GABRG1: variants seen among roughly 807,000 people sequenced by gnomAD.
The protein encoded by GABRG1 is gamma-aminobutyric acid type A receptor subunit gamma1.
In GABRG1, 49 loss-of-function variants were observed where a neutral mutation model predicts 49.8. The observed-to-expected ratio is 0.98, with a 90% CI of 0.78 to 1.25. The LOEUF is 1.25. Ranked by LOEUF, GABRG1 falls within the 50% of genes most tolerant of loss-of-function variation. The pLI, the probability that GABRG1 is intolerant of heterozygous loss-of-function variation, is 0.00. For synonymous variants in GABRG1, 232 were observed against 185.1 expected, an observed-to-expected ratio of 1.25 and a Z score of -2.06; for missense variants, 552 against 552.3, an observed-to-expected ratio of 1.00 and a Z score of 0.01.
chr4:46,071,902 A>T (rs908150581), intron 3 of GABRG1, among the ~76,000 whole-genome samples: 3 of 152,046 alleles, frequency 2.0e-5, no homozygotes, highest in Non-Finnish European at 4.4e-5. Flanking sequence ...AAATTAAAAA[A>T]TTAATTTAGT....
chr4:46,075,813 A>T (rs1041461731), intron 3 of GABRG1, among the ~76,000 whole-genome samples: 1 of 152,096 alleles, frequency 6.6e-6, no homozygotes, highest in Non-Finnish European at 1.5e-5. Context: ...TTGCAGCAAC[A>T]TGGATGGAAC....
intron 2 of GABRG1, among the ~76,000 whole-genome samples, chr4:46,095,601 C>T (rs928033523): frequency 1.3e-5 from 2 of 151,542 alleles, no homozygotes; most frequent in African/African-American, 4.8e-5. Flanking sequence ...TCAAAAATAA[C>T]ACACAAAGCA....
intron 8 of GABRG1, among the ~76,000 whole-genome samples, chr4:46,048,488 T>C (rs1037781527): frequency 1.3e-5 from 2 of 148,602 alleles, no homozygotes; most frequent in African/African-American, 5.0e-5. Flanking sequence ...AAGCATCATA[T>C]GGCCATTGTC....
intron 1 of GABRG1, among the ~76,000 whole-genome samples, chr4:46,107,475 C>G (rs1278144907): frequency 6.6e-6 from 1 of 150,902 alleles, no homozygotes; most frequent in Non-Finnish European, 1.5e-5. Flanking sequence ...CAGTTCCTTC[C>G]TTTCTTGTTT....
In GABRG1 at chr4:46,110,454, T is replaced by C. The variant is rs549527398; in HGVS notation, c.105-13105A>G. ...ACAGCAGATGGATGGGTCTTGTTAA[T>C]CTATCCAACCTGCCACTCTGTGCCT... On this transcript the variant is annotated intron_variant, in intron 1 of 8. Coordinates refer to ENST00000295452, the MANE Select transcript of GABRG1 (RefSeq NM_173536.4). 1.5e-4 allele frequency among the ~76,000 whole-genome samples: 22 copies of C among 151,068 alleles called. No homozygotes were observed. The East Asian group carries it at 4.3e-3, about 30-fold the overall frequency.
At position 46,058,396 on chromosome 4, in the gene GABRG1, G is replaced by A. The variant is rs758183396; in HGVS notation, c.764-27C>T. On this transcript the variant is annotated intron_variant, in intron 6 of 8. Transcript: ENST00000295452. The stretch of plus-strand genomic sequence containing the variant: ...TGTAAGAAAAAAAAGTTTTATTTTG[G>A]CTATATAATATAAATCACAATCCAT... The A allele has an allele frequency of 8.1e-6, 13 of 1,597,036 alleles. No homozygotes were observed. The Middle Eastern group carries it at 5.0e-4, about 62-fold the overall frequency.
At chr4:46,097,476 A>T in intron 1 of GABRG1, 127 bp from the exon 2 acceptor site, 1 of 828,250 alleles carries the variant, frequency 1.2e-6, no homozygotes, top group East Asian at 2.8e-5. Context: ...TTACACTAAC[A>T]TTACATTTAG....
At chr4:46,067,396 T>C (rs1390979751) in intron 3 of GABRG1, among the ~76,000 whole-genome samples, 1 of 152,140 alleles carries the variant, frequency 6.6e-6, no homozygotes, top group African/African-American at 2.4e-5. Context: ...GCTTAAAATA[T>C]ATACACTTAT....
Position 46,065,578 on chromosome 4 carries a change from T to C in GABRG1, c.328A>G (p.Thr110Ala). ...GPVDPINMEYTIDIIFAQTWF... is the reference protein window; with the variant it reads ...GPVDPINMEYAIDIIFAQTWF... The stretch of plus-strand genomic sequence containing the variant: ...GTTTGGGCAAAAATTATATCTATTG[T>C]ATATTCCTAAAATATAAGAAGAGTA... Residue 110 changes from threonine to alanine, a missense_variant, in exon 4 of 9, where the codon ACA becomes GCA. By Grantham distance (58) the Thr-to-Ala change is moderately conservative. Coordinates refer to ENST00000295452, the MANE Select transcript of GABRG1 (RefSeq NM_173536.4). 3 of 1,370,660 alleles carry C rather than the reference T, an allele frequency of 2.2e-6. No individual in the cohort carries two copies. Among genetic ancestry groups the C allele is most frequent in the Admixed American group, 3.5e-5 (2 of 57,840 alleles). The allele number at this position is 1,370,660 out of a possible 1,614,324, so 84.9% of individuals were successfully genotyped here.
At chr4:46,042,690 A>G (rs1284239402) in intron 8 of GABRG1, among the ~76,000 whole-genome samples, 1 of 152,040 alleles carries the variant, frequency 6.6e-6, no homozygotes, top group East Asian at 1.9e-4. Flanking sequence ...TTTTAGTTCT[A>G]AAAAGAAACA....
rs748831922 is a variant in GABRG1, at chr4:46,041,160, C to G, written c.1226G>C (p.Gly409Ala). 2 of 1,613,096 alleles carry G rather than the reference C, an allele frequency of 1.2e-6. No individual in the cohort carries two copies. The highest frequency in any genetic ancestry group is 1.7e-5 in the Admixed American group (1 of 59,832). ...EDDYGYQCLE[G>A]KDCASFFCCF... ...ACAGAAGAAGCTGGCACAATCTTTG[C>G]CCTCCAAACACTGATACCCATAATC... is the stretch of plus-strand genomic sequence containing the variant. Residue 409 changes from glycine (G) to alanine (A), a missense_variant, in exon 9 of 9, where the codon GGC becomes GCC. Coordinates refer to ENST00000295452, the MANE Select transcript of GABRG1 (RefSeq NM_173536.4).
At position 46,041,074 on chromosome 4, in the gene GABRG1, T is replaced by G. The variant is rs1717755826; in HGVS notation, c.1312A>C (p.Lys438Gln). ...REGRIHIRIA[K>Q]IDSYSRIFFP... ...AATATTCTAGAATAAGAGTCAATTT[T>G]GGCAATGCGTATGTGTATCCTTCCT... Residue 438 changes from lysine to glutamine, a missense_variant, in exon 9 of 9, where the codon AAA (lysine) becomes CAA (glutamine). Transcript: ENST00000295452. 6.2e-7 allele frequency: 1 copy of G among 1,613,016 alleles called. No individual in the cohort carries two copies. Among genetic ancestry groups the G allele is most frequent in the Non-Finnish European group, 8.5e-7 (1 of 1,179,376 alleles).
rs1429066474 is a variant in GABRG1, at chr4:46,038,875, C to G, written c.*2113G>C. 1.3e-5 allele frequency: 2 copies of G among 151,502 alleles called. No individual in the cohort carries two copies. The highest frequency in any genetic ancestry group is 3.0e-5 in the Non-Finnish European group (2 of 67,658). 9.4% of individuals were successfully genotyped at this position (151,502 alleles called of 1,614,324 possible). ...TGTAAATATTGTCAACATTTAAAAC[C>G]AAGTTAATGAAACACCAGTGAGAAA... On this transcript the variant is annotated 3_prime_UTR_variant, in exon 9 of 9. Coordinates refer to ENST00000295452, the MANE Select transcript of GABRG1 (RefSeq NM_173536.4).
intron 8 of GABRG1, among the ~76,000 whole-genome samples, chr4:46,050,287 G>C (rs2109396685): frequency 6.6e-6 from 1 of 151,970 alleles, no homozygotes; most frequent in African/African-American, 2.4e-5. Context: ...TGCTTTCTTG[G>C]AATATTGTGG....
At chr4:46,047,406 C>T (rs1409580571) in intron 8 of GABRG1, among the ~76,000 whole-genome samples, 1 of 151,994 alleles carries the variant, frequency 6.6e-6, no homozygotes, top group Admixed American at 6.6e-5. Flanking sequence ...TGGAATTTTC[C>T]TTGCCAAACT....
At chr4:46,063,288 C>A (rs1224951813) in intron 5 of GABRG1, among the ~76,000 whole-genome samples, 1 of 151,920 alleles carries the variant, frequency 6.6e-6, no homozygotes, top group Non-Finnish European at 1.5e-5. Context: ...GCTACAGTAA[C>A]CAAAACAGCA....
chr4:46,041,136 C>T lies in GABRG1; in HGVS notation c.1250G>A (p.Cys417Tyr), dbSNP rs376830975. The T allele has an allele frequency of 1.9e-5, 31 of 1,613,118 alleles. No homozygotes were observed. Among genetic ancestry groups the T allele is most frequent in the Non-Finnish European group, 2.5e-5 (30 of 1,179,468 alleles). Reference sequence around the variant, plus strand: ...TCCTGTTCTGCAGTCTTCAAAGCAACAGAAGAAGCTGGCACAATCTTTGCC... The same window carrying T: ...TCCTGTTCTGCAGTCTTCAAAGCAATAGAAGAAGCTGGCACAATCTTTGCC... ...LEGKDCASFF[C>Y]CFEDCRTGSW... The change falls in exon 9 of 9, where the codon TGT becomes TAT. Residue 417 changes from cysteine (C) to tyrosine (Y), a missense_variant. Coordinates refer to ENST00000295452, the MANE Select transcript of GABRG1 (RefSeq NM_173536.4).
intron 2 of GABRG1, among the ~76,000 whole-genome samples, chr4:46,090,197 G>T (rs1719927801): frequency 6.6e-6 from 1 of 151,988 alleles, no homozygotes; most frequent in Non-Finnish European, 1.5e-5. Flanking sequence ...GTAGTCAGAT[G>T]CACAGAAAAA....
chr4:46,086,348 A>G (rs1451321585), intron 2 of GABRG1, among the ~76,000 whole-genome samples: 4 of 151,786 alleles, frequency 2.6e-5, no homozygotes, highest in South Asian at 2.1e-4. Flanking sequence ...AGGACAGCCA[A>G]TTGTAGAGGT....
Sources: allele counts gnomAD v4.1 joint callset (sites outside exome capture counted in the v4.1 genomes callset), GRCh38; gene constraint gnomAD v4.1.1; transcripts MANE v1.5; gene names NCBI Gene and HGNC (gene_info 2026-07-23, HGNC 2026-07-21).